The following CRMP1 variants were observed in gnomAD, a reference collection of about 807,000 sequenced individuals.
CRMP1 encodes dihydropyrimidinase-related protein 1.
A neutral mutation model predicts 68.3 loss-of-function variants in CRMP1; 19 were observed. The ratio of observed to expected loss-of-function variants is 0.28; its 90% CI spans 0.19 to 0.41. The LOEUF is 0.41. CRMP1 is among the 10% of genes least tolerant of loss of function. CRMP1 has a pLI of 1.00. For missense variants in CRMP1, 791 were observed against 967.4 expected (o/e 0.82, Z 2.42); for synonymous variants, 439 against 399.6 (o/e 1.10, Z -1.18).
intron 1 of CRMP1, among the ~76,000 whole-genome samples, chr4:5,869,407 G>T (rs1043889969): frequency 6.6e-6 from 1 of 152,198 alleles, no homozygotes; most frequent in Non-Finnish European, 1.5e-5. Context: ...ACTGGGCCAG[G>T]TGTGGTGGCT....
rs980624799 is a variant in CRMP1 at position 5,842,650 on chromosome 4, TCACA to T, written c.1032+439_1032+442del. Among the ~76,000 whole-genome samples, 464 of 149,990 alleles carry T rather than the reference TCACA, an allele frequency of 3.1e-3. 3 individuals are homozygous for T. Among genetic ancestry groups the T allele is most frequent in the African/African-American group, 0.01 (421 of 40,778 alleles). The stretch of plus-strand genomic sequence containing the variant: ...CACACACACACACGCACTGTCTCTC[TCACA>T]CACACACACTAACATACACACACTC... On this transcript the variant is annotated intron_variant, in intron 7 of 13. Coordinates refer to ENST00000324989, the MANE Select transcript of CRMP1 (RefSeq NM_001014809.3). The surrounding 1 kb of genome is among the most constrained non-coding windows in gnomAD (Gnocchi z 4.5).
At chr4:5,874,982 T>C (rs1389695161) in intron 1 of CRMP1, among the ~76,000 whole-genome samples, 2 of 152,156 alleles carry the variant, frequency 1.3e-5, no homozygotes, top group South Asian at 4.1e-4. Context: ...CTGCCAAATG[T>C]CTCATGAGTC....
In CRMP1 at chr4:5,860,063, T is replaced by G. The variant is rs1713422025; in HGVS notation, c.655+963A>C. 6.6e-6 allele frequency among the ~76,000 whole-genome samples: 1 copy of G among 152,044 alleles called. No homozygotes were observed. The highest frequency in any genetic ancestry group is 1.5e-5 in the Non-Finnish European group (1 of 68,010). On this transcript the variant is annotated intron_variant, in intron 3 of 13. Transcript: ENST00000324989. This position sits in a 1 kb window ranked among gnomAD's most constrained non-coding sequence, Gnocchi z 4.2. Reference sequence around the variant, plus strand: ...CAGGGCAATGGAGGAGGAGTCCAGTTTCCCAGACCGAGCACTGCTGGGGAG... The same window carrying G: ...CAGGGCAATGGAGGAGGAGTCCAGTGTCCCAGACCGAGCACTGCTGGGGAG...
chr4:5,849,350 A>G (rs992981963), intron 6 of CRMP1, 42 bp downstream of exon 6: 1 of 1,494,330 alleles, frequency 6.7e-7, no homozygotes, highest in East Asian at 2.3e-5. Flanking sequence ...CAACAAGGAG[A>G]ATCAGACTGA....
rs543767657 is a variant in CRMP1, at chr4:5,883,232, T to TTTCCTTCCTTCCTTCCTTCC, written c.381+9337_381+9356dup. On this transcript the variant is annotated intron_variant, in intron 1 of 13. Coordinates refer to ENST00000324989, the MANE Select transcript of CRMP1 (RefSeq NM_001014809.3). The surrounding 1 kb of genome is among the most constrained non-coding windows in gnomAD (Gnocchi z 4.5). ...GTGCCCTGTTCCGCAGCCTGCCTGC[T>TTTCCTTCCTTCCTTCCTTCC]TTCCTTCCTTCCTTCCTTCCTTCCT... Among the ~76,000 whole-genome samples, 34 of 112,372 alleles carry TTTCCTTCCTTCCTTCCTTCC rather than the reference T, an allele frequency of 3.0e-4. No homozygotes were observed. The highest frequency in any genetic ancestry group is 8.1e-4 in the African/African-American group (27 of 33,500). The allele number at this position is 112,372 out of a possible 152,430, so 73.7% of individuals were successfully genotyped here. A position where few individuals can be genotyped will look rare whatever the true frequency, so the allele number is the denominator to read the frequency against.
Position 5,849,419 on chromosome 4 carries a change from A to G in CRMP1, c.936T>C (p.His312=). Residue 312 remains histidine, a synonymous_variant, in exon 6 of 14, where the codon CAT becomes CAC. Coordinates refer to ENST00000324989, the MANE Select transcript of CRMP1 (RefSeq NM_001014809.3). ...GAGCTATCAAATCTCCATTTTCTGCATGGACCAAGATCACAGCTCCCAGGC... is the reference window on the plus strand; with the variant it reads ...GAGCTATCAAATCTCCATTTTCTGCGTGGACCAAGATCACAGCTCCCAGGC... ...LKGLGAVILV[H]AENGDLIAQE... 6.2e-7 allele frequency: 1 copy of G among 1,614,026 alleles called. No individual in the cohort carries two copies. The highest frequency in any genetic ancestry group is 8.5e-7 in the Non-Finnish European group (1 of 1,179,952).
rs1326451428 is a variant in CRMP1, at chr4:5,861,889, G to T, written c.471-679C>A. On this transcript the variant is annotated intron_variant, in intron 2 of 13. Coordinates refer to ENST00000324989, the MANE Select transcript of CRMP1 (RefSeq NM_001014809.3). The surrounding 1 kb of genome is among the most constrained non-coding windows in gnomAD (Gnocchi z 6.0). ...TGTTGTGAACGCTTGAGATTGGGCA[G>T]CATATTAATTTTCTAAGTCACAAAA... Among the ~76,000 whole-genome samples, 1 of 152,154 alleles carries T rather than the reference G, an allele frequency of 6.6e-6. No homozygotes were observed. The highest frequency in any genetic ancestry group is 1.5e-5 in the Non-Finnish European group (1 of 68,026).
Position 5,892,064 on chromosome 4 carries a change from C to G in CRMP1, c.381+525G>C, listed in dbSNP as rs1367176446. On this transcript the variant is annotated intron_variant, in intron 1 of 13. Transcript: ENST00000324989. The surrounding 1 kb of genome is among the most constrained non-coding windows in gnomAD (Gnocchi z 8.6). ...CCCCCCAGCAAGCATGAGGGGAGCG[C>G]TCGGAAAAAAAGCTCCTTCCAGCTT... 3.9e-5 allele frequency among the ~76,000 whole-genome samples: 6 copies of G among 152,114 alleles called. No individual in the cohort carries two copies. The highest frequency in any genetic ancestry group is 7.4e-5 in the Non-Finnish European group (5 of 68,014).
At chr4:5,880,703 CCTT>C (rs1265371877) in intron 1 of CRMP1, among the ~76,000 whole-genome samples, 1 of 152,260 alleles carries the variant, frequency 6.6e-6, no homozygotes, top group Admixed American at 6.5e-5. Context: ...GGCCCCCACA[CCTT>C]CTTTTCGCTT....
In CRMP1 at chr4:5,854,796, G is replaced by A. The variant is rs1315080708; in HGVS notation, c.820+1347C>T. Among the ~76,000 whole-genome samples the A allele has an allele frequency of 6.6e-6, 1 of 152,066 alleles. No individual in the cohort carries two copies. The highest frequency in any genetic ancestry group is 1.5e-5 in the Non-Finnish European group (1 of 68,020). On this transcript the variant is annotated intron_variant, in intron 4 of 13. Transcript: ENST00000324989. The surrounding 1 kb of genome is among the most constrained non-coding windows in gnomAD (Gnocchi z 4.0). ...GAGATTCTGGCATAGGATTTGCAGG[G>A]GTACAAGGGGATGCATCTTTCAGGA...
At position 5,820,927 on chromosome 4, in the gene CRMP1, A is replaced by G. The variant is rs1718427398; in HGVS notation, c.*833T>C. ...CTTTAAAAATCTGACTGCCCCGTCA[A>G]CTGCCTCAGAGGGACCAGGACTCAG... On this transcript the variant is annotated 3_prime_UTR_variant, in exon 14 of 14. Transcript: ENST00000324989. 1 of 152,266 alleles carries G rather than the reference A, an allele frequency of 6.6e-6. No individual in the cohort carries two copies. Among genetic ancestry groups the G allele is most frequent in the Non-Finnish European group, 1.5e-5 (1 of 68,054 alleles). The allele number at this position is 152,266 out of a possible 1,614,324, so 9.4% of individuals were successfully genotyped here.
At position 5,879,139 on chromosome 4, in the gene CRMP1, G is replaced by A. The variant is rs914511902; in HGVS notation, c.382-12383C>T. ...CTGTAGGACAAAGCTCACCTCCTAG[G>A]CTCTTCCCGGCCTGAGCCCGGCCCT... is the stretch of plus-strand genomic sequence containing the variant. On this transcript the variant is annotated intron_variant, in intron 1 of 13. Transcript: ENST00000324989. This position sits in a 1 kb window ranked among gnomAD's most constrained non-coding sequence, Gnocchi z 4.2. Among the ~76,000 whole-genome samples the A allele has an allele frequency of 6.6e-6, 1 of 151,386 alleles. No homozygotes were observed. Among genetic ancestry groups the A allele is most frequent in the African/African-American group, 2.4e-5 (1 of 41,240 alleles).
intron 10 of CRMP1, 97 bp from the exon 11 acceptor site, chr4:5,836,182 C>G (rs1187050732): frequency 8.7e-7 from 1 of 1,145,608 alleles, no homozygotes; most frequent in Non-Finnish European, 1.1e-6. Flanking sequence ...TGAGGCCTTG[C>G]AAGGCTTGGA....
intron 1 of CRMP1, among the ~76,000 whole-genome samples, chr4:5,873,098 G>A (rs533597344): frequency 6.6e-6 from 1 of 152,218 alleles, no homozygotes; most frequent in African/African-American, 2.4e-5. Context: ...AAGGATGGGT[G>A]TAAGCAGCTT....
At chr4:5,868,621 T>G (rs1428696558) in intron 1 of CRMP1, among the ~76,000 whole-genome samples, 2 of 152,052 alleles carry the variant, frequency 1.3e-5, no homozygotes, top group African/African-American at 4.8e-5. Flanking sequence ...ACTATACTTT[T>G]AAAATAATCA....
At chr4:5,827,792 G>A (rs1047132117) in intron 12 of CRMP1, among the ~76,000 whole-genome samples, 2 of 152,014 alleles carry the variant, frequency 1.3e-5, no homozygotes, top group Admixed American at 6.5e-5. Flanking sequence ...CTGTCTCATG[G>A]GGAAAGCAGC....
chr4:5,879,442 T>C lies in CRMP1; in HGVS notation c.382-12686A>G, dbSNP rs1715080524. Among the ~76,000 whole-genome samples the C allele has an allele frequency of 6.6e-6, 1 of 152,202 alleles. No individual in the cohort carries two copies. The highest frequency in any genetic ancestry group is 2.1e-4 in the South Asian group (1 of 4,822). Reference sequence around the variant, plus strand: ...TCCAGCTCATTGTAATATATCTTATTTCCCCCATGAGACTGAAATCCTTGG... The same window carrying C: ...TCCAGCTCATTGTAATATATCTTATCTCCCCCATGAGACTGAAATCCTTGG... On this transcript the variant is annotated intron_variant, in intron 1 of 13. Transcript: ENST00000324989. This position sits in a 1 kb window ranked among gnomAD's most constrained non-coding sequence, Gnocchi z 4.2.
At chr4:5,828,466 C>T (rs370423414) in intron 12 of CRMP1, 23 bp downstream of exon 12, 30 of 1,607,114 alleles carry the variant, frequency 1.9e-5, no homozygotes, top group African/African-American at 4.0e-5. Context: ...CGGGTGGGCC[C>T]GCTCCCCTGC....
intron 2 of CRMP1, among the ~76,000 whole-genome samples, chr4:5,862,934 T>C (rs924089094): frequency 1.3e-5 from 2 of 152,120 alleles, no homozygotes; most frequent in Non-Finnish European, 2.9e-5. Context: ...GCCTCTCAAG[T>C]AGCTGGAACT....
Sources: gnomAD v4.1 joint callset for allele counts (sites outside exome capture counted in the v4.1 genomes callset) on GRCh38, gnomAD v4.1.1 for gene constraint, Gnocchi (gnomAD v3.1) non-coding constraint, MANE v1.5 for transcripts, NCBI Gene and HGNC (gene_info 2026-07-23, HGNC 2026-07-21) for gene names.